Variants in PCDHA5 observed in about 807,000 individuals in gnomAD.
PCDHA5 encodes protocadherin alpha 5, also known as protocadherin alpha-5.
Under a neutral mutation model 61.6 loss-of-function variants are expected in PCDHA5, and 43 were observed. The observed-to-expected ratio is 0.70, with a 90% CI of 0.55 to 0.90. The LOEUF (loss-of-function observed/expected upper bound fraction) is 0.90. Among genes scored for constraint, PCDHA5 ranks in the 40% least tolerant of loss-of-function variants. The pLI is 0.00. For missense variants in PCDHA5, 1,298 were observed against 1,222.7 expected, an observed-to-expected ratio of 1.06 and a Z score of -0.92; for synonymous variants, 627 against 543.9, an observed-to-expected ratio of 1.15 and a Z score of -2.13.
intron 2 of PCDHA5, 90 bp downstream of exon 2, chr5:140,979,097 C>T (rs2096835129): frequency 9.0e-6 from 14 of 1,547,204 alleles, no homozygotes; most frequent in African/African-American, 1.4e-5. Context: ...AAGCAGCTGT[C>T]AAAACTAAAA....
intron 3 of PCDHA5, among the ~76,000 whole-genome samples, chr5:140,999,590 C>T (rs951986017): frequency 3.3e-5 from 5 of 152,132 alleles, no homozygotes; most frequent in Non-Finnish European, 7.3e-5. Context: ...AAATTGCCTT[C>T]CCTACATCCT....
chr5:140,834,360 A>G (rs1554134119), intron 1 of PCDHA5: 1 of 1,549,278 alleles, frequency 6.5e-7, no homozygotes. Context: ...TTTGCTGACT[A>G]GAAAAACAAG....
intron 3 of PCDHA5, among the ~76,000 whole-genome samples, chr5:140,984,867 TA>T (rs1251384308): frequency 6.6e-6 from 1 of 152,180 alleles, no homozygotes; most frequent in Non-Finnish European, 1.5e-5. Context: ...ACACCTATTT[TA>T]TTGAGTTACC....
chr5:140,877,818 T>G (rs1207543793), intron 1 of PCDHA5: 3 of 1,608,774 alleles, frequency 1.9e-6, no homozygotes, highest in African/African-American at 2.7e-5. Context: ...CTCGAGAAGA[T>G]TGTTTAAATC....
At chr5:140,918,897 C>A (rs1381764249) in intron 1 of PCDHA5, among the ~76,000 whole-genome samples, 1 of 152,196 alleles carries the variant, frequency 6.6e-6, no homozygotes, top group Admixed American at 6.5e-5. Context: ...AAAAATAAAT[C>A]TCTCTTGTTT....
At chr5:140,858,515 C>A in intron 1 of PCDHA5, 1 of 1,416,092 alleles carries the variant, frequency 7.1e-7, no homozygotes, top group South Asian at 1.2e-5. Context: ...AAATATGTAT[C>A]AGAATATTTC....
chr5:140,901,100 C>G (rs1172808892), intron 1 of PCDHA5, among the ~76,000 whole-genome samples: 1 of 152,002 alleles, frequency 6.6e-6, no homozygotes, highest in East Asian at 1.9e-4. Flanking sequence ...CTTCTACATT[C>G]TGGTTATTCA....
intron 1 of PCDHA5, chr5:140,884,494 C>A: frequency 6.2e-7 from 1 of 1,614,068 alleles, no homozygotes; most frequent in Non-Finnish European, 8.5e-7. Context: ...TAGTGTGCTC[C>A]AGCGCGGCAG....
intron 1 of PCDHA5, among the ~76,000 whole-genome samples, chr5:140,912,449 A>G (rs2075925716): frequency 6.6e-6 from 1 of 151,398 alleles, no homozygotes; most frequent in South Asian, 2.1e-4. Flanking sequence ...GTGTGCATTG[A>G]TTTTGTATCC....
At position 140,848,707 on chromosome 5, in the gene PCDHA5, G is replaced by T. The variant is rs2150418357; in HGVS notation, c.2352+24580G>T. 8 of 1,592,314 alleles carry T rather than the reference G, an allele frequency of 5.0e-6. 3 individuals are homozygous for T. Among genetic ancestry groups the T allele is most frequent in the Middle Eastern group, 3.5e-4 (2 of 5,774 alleles). ...CTGTTCCAGTTGGATTCCAAAGGCC[G>T]CGGGGACCTTCTGGAGGTAAATCTG... On this transcript the variant is annotated intron_variant, in intron 1 of 3. Coordinates refer to ENST00000529859, the MANE Select transcript of PCDHA5 (RefSeq NM_018908.3).
At chr5:140,956,020 T>C (rs2095249402) in intron 1 of PCDHA5, among the ~76,000 whole-genome samples, 1 of 152,240 alleles carries the variant, frequency 6.6e-6, no homozygotes, top group Non-Finnish European at 1.5e-5. Context: ...TTTGCTGAAG[T>C]TGCTTATCAG....
chr5:140,869,096 C>G (rs2050848393), intron 1 of PCDHA5: 2 of 1,594,364 alleles, frequency 1.3e-6, no homozygotes, highest in African/African-American at 2.7e-5. Context: ...AAGCCAATTT[C>G]GTATGCGATG....
At chr5:140,926,957 T>G in intron 1 of PCDHA5, 1 of 1,602,892 alleles carries the variant, frequency 6.2e-7, no homozygotes, top group Non-Finnish European at 8.5e-7. Context: ...GCGGGACAGC[T>G]CGAGTACTCA....
chr5:140,914,052 G>T (rs1485469381), intron 1 of PCDHA5, among the ~76,000 whole-genome samples: 1 of 152,172 alleles, frequency 6.6e-6, no homozygotes, highest in East Asian at 1.9e-4. Flanking sequence ...TTCTGCAGCT[G>T]TTGGATGAAA....
chr5:140,903,301 A>G (rs575233990), intron 1 of PCDHA5, among the ~76,000 whole-genome samples: 1 of 152,302 alleles, frequency 6.6e-6, no homozygotes, highest in East Asian at 1.9e-4. Context: ...GAAATTTAGT[A>G]TACAATAAAG....
At chr5:140,987,722 T>C (rs2097265966) in intron 3 of PCDHA5, among the ~76,000 whole-genome samples, 1 of 152,204 alleles carries the variant, frequency 6.6e-6, no homozygotes, top group Admixed American at 6.5e-5. Context: ...GAGTCTATCC[T>C]ACAGCTTCAA....
intron 1 of PCDHA5, among the ~76,000 whole-genome samples, chr5:140,956,602 G>T (rs541025327): frequency 2.6e-5 from 4 of 152,212 alleles, no homozygotes. Flanking sequence ...GATATCAGCT[G>T]GAAGTTTTCC....
At position 140,857,968 on chromosome 5, in the gene PCDHA5, C is replaced by T. The variant is rs782482021; in HGVS notation, c.2352+33841C>T. The T allele has an allele frequency of 5.8e-5, 93 of 1,597,052 alleles. 13 individuals are homozygous for T. The Middle Eastern group carries it at 6.7e-4, about 11-fold the overall frequency. ...CGACGCGCGCTCTGGATGAGACTGA[C>T]TCGCCACGCCAGCGCCTACTGGTGC... On this transcript the variant is annotated intron_variant, in intron 1 of 3. Coordinates refer to ENST00000529859, the MANE Select transcript of PCDHA5 (RefSeq NM_018908.3).
chr5:140,873,734 C>T (rs2054463877), intron 1 of PCDHA5, among the ~76,000 whole-genome samples: 1 of 152,178 alleles, frequency 6.6e-6, no homozygotes, highest in African/African-American at 2.4e-5. Flanking sequence ...AATCTCAGCT[C>T]ACTGCAATCT....
Sources: gnomAD v4.1 joint callset for allele counts (sites outside exome capture counted in the v4.1 genomes callset) on GRCh38, gnomAD v4.1.1 for gene constraint, MANE v1.5 for transcripts, NCBI Gene and HGNC (gene_info 2026-07-23, HGNC 2026-07-21) for gene names.